The following ZNF438 variants were observed in gnomAD, a reference collection of about 807,000 sequenced individuals.
The protein encoded by ZNF438 is zinc finger protein 438.
ZNF438 carries 25 observed loss-of-function variants against 38.0 expected under a neutral mutation model. The observed-to-expected ratio is 0.66, with a 90% confidence interval of 0.48 to 0.92. The LOEUF (loss-of-function observed/expected upper bound fraction) is 0.92, where lower values mean the gene tolerates loss of function less well. Among genes scored for constraint, ZNF438 ranks in the 40% least tolerant of loss-of-function variants. The pLI, the probability that ZNF438 is intolerant of heterozygous loss-of-function variation, is 0.00. For missense variants in ZNF438, 1,007 were observed against 999.6 expected, an observed-to-expected ratio of 1.01 and a Z score of -0.10; for synonymous variants, 372 against 364.1, an observed-to-expected ratio of 1.02 and a Z score of -0.25.
intron 2 of ZNF438, among the ~76,000 whole-genome samples, chr10:30,925,917 C>T (rs2044857823): frequency 6.6e-6 from 1 of 151,970 alleles, no homozygotes; most frequent in African/African-American, 2.4e-5. Flanking sequence ...TTCCCTAATA[C>T]AAGAAAAATG....
chr10:30,973,565 A>C (rs2050983056), intron 1 of ZNF438, among the ~76,000 whole-genome samples: 1 of 152,228 alleles, frequency 6.6e-6, no homozygotes, highest in Admixed American at 6.5e-5. Flanking sequence ...TATTCAATTC[A>C]TGATACGTGT....
chr10:30,875,586 C>A (rs1197234370), intron 4 of ZNF438: 5 of 985,284 alleles, frequency 5.1e-6, no homozygotes, highest in Non-Finnish European at 6.0e-6. Context: ...CTGCACAAAT[C>A]TTCCAGAGGA....
chr10:30,883,344 C>T (rs974865435), intron 3 of ZNF438, among the ~76,000 whole-genome samples: 1 of 152,082 alleles, frequency 6.6e-6, no homozygotes, highest in African/African-American at 2.4e-5. Flanking sequence ...CCAGACCTTC[C>T]TTCCTTCCAC....
intron 1 of ZNF438, among the ~76,000 whole-genome samples, chr10:30,974,556 T>A (rs537642223): frequency 2.6e-5 from 4 of 152,160 alleles, no homozygotes. Context: ...TGTGTTACAA[T>A]AGGGACAATC....
chr10:30,914,318 G>T (rs1199370335), intron 2 of ZNF438, among the ~76,000 whole-genome samples: 2 of 152,016 alleles, frequency 1.3e-5, no homozygotes, highest in Non-Finnish European at 2.9e-5. Flanking sequence ...ACAGGGGTGG[G>T]AAGTGGGAAG....
chr10:31,000,728 T>C (rs2054565812), intron 1 of ZNF438, among the ~76,000 whole-genome samples: 1 of 152,072 alleles, frequency 6.6e-6, no homozygotes, highest in South Asian at 2.1e-4. Flanking sequence ...TATGTTACAA[T>C]TTAAAATCTG....
chr10:30,887,691 ACTC>A (rs1411743055), intron 3 of ZNF438, among the ~76,000 whole-genome samples: 1 of 151,852 alleles, frequency 6.6e-6, no homozygotes, highest in Non-Finnish European at 1.5e-5. Flanking sequence ...CCCGGCCTAA[ACTC>A]CTCTTTCAAA....
At chr10:30,971,382 C>G (rs1017236481) in intron 1 of ZNF438, among the ~76,000 whole-genome samples, 3 of 152,004 alleles carry the variant, frequency 2.0e-5, no homozygotes, top group Non-Finnish European at 4.4e-5. Flanking sequence ...TAAACATCAA[C>G]AAAAAACATA....
At chr10:30,845,650 T>A in intron 5 of ZNF438, 77 bp from the exon 7 acceptor site, 1 of 1,511,688 alleles carries the variant, frequency 6.6e-7, no homozygotes, top group Non-Finnish European at 8.9e-7. Context: ...GCTGTCAGCC[T>A]TCAGGGATCT....
At chr10:30,850,617 TTATG>T (rs1468807096) in intron 4 of ZNF438, among the ~76,000 whole-genome samples, 8 of 152,192 alleles carry the variant, frequency 5.3e-5, no homozygotes, top group Non-Finnish European at 7.3e-5. Flanking sequence ...CCATAATAAT[TTATG>T]TGTTTATGTG....
chr10:31,008,021 A>G (rs1358562075), intron 1 of ZNF438, among the ~76,000 whole-genome samples: 1 of 152,222 alleles, frequency 6.6e-6, no homozygotes, highest in African/African-American at 2.4e-5. Flanking sequence ...CTGATTCAGA[A>G]AATCCTATTA....
At chr10:30,853,135 A>G (rs1384068699) in intron 4 of ZNF438, among the ~76,000 whole-genome samples, 1 of 152,196 alleles carries the variant, frequency 6.6e-6, no homozygotes, top group African/African-American at 2.4e-5. Context: ...CATTTACACA[A>G]CAGATCTGGG....
At chr10:30,960,557 T>C (rs2049350332) in intron 1 of ZNF438, among the ~76,000 whole-genome samples, 1 of 147,098 alleles carries the variant, frequency 6.8e-6, no homozygotes. Context: ...CTTCCAAAAA[T>C]CAATGGACCA....
rs142299086 is a variant in ZNF438, at chr10:30,899,459, C to T, written c.-32+9474G>A. Among the ~76,000 whole-genome samples, 275 of 152,280 alleles carry T rather than the reference C, an allele frequency of 1.8e-3. 1 individual carries two copies. Among genetic ancestry groups the T allele is most frequent in the Non-Finnish European group, 3.0e-3 (205 of 68,010 alleles). ...GTTTGGCCACCTTATAAGTATCAGG[C>T]TTTCAGTCACAAAAACAAAGGCTTT... On this transcript the variant is annotated intron_variant, in intron 3 of 5. Coordinates refer to ENST00000413025, the Ensembl canonical transcript of ZNF438.
At chr10:30,857,628 A>T in intron 4 of ZNF438, 1 of 1,350,310 alleles carries the variant, frequency 7.4e-7, no homozygotes, top group Non-Finnish European at 1.0e-6. Context: ...ACAGAAAATT[A>T]ATAGTCATTT....
intron 1 of ZNF438, among the ~76,000 whole-genome samples, chr10:31,018,865 G>A (rs1408791421): frequency 6.6e-6 from 1 of 152,126 alleles, no homozygotes; most frequent in African/African-American, 2.4e-5. Context: ...AGGGGGAAAG[G>A]GAGAGGGGTG....
rs146836145 is a variant in ZNF438, at chr10:31,005,237, A to C, written c.-192+26596T>G. On this transcript the variant is annotated intron_variant, in intron 1 of 5. Coordinates refer to ENST00000413025, the Ensembl canonical transcript of ZNF438. ...TGAAACAACCAAAGTGTCTGTCAAC[A>C]GATGAATGAACTGTGAGTTATGTGT... 2.9e-3 allele frequency among the ~76,000 whole-genome samples: 437 copies of C among 152,318 alleles called. 2 individuals carry two copies. Among genetic ancestry groups the C allele is most frequent in the Admixed American group, 8.0e-3 (123 of 15,298 alleles).
chr10:31,000,897 T>C (rs2054588995), intron 1 of ZNF438, among the ~76,000 whole-genome samples: 1 of 152,174 alleles, frequency 6.6e-6, no homozygotes, highest in Non-Finnish European at 1.5e-5. Context: ...TCTGAAGACA[T>C]CATGTATTTC....
At chr10:30,883,353 A>G (rs914926872) in intron 3 of ZNF438, among the ~76,000 whole-genome samples, 6 of 152,096 alleles carry the variant, frequency 3.9e-5, no homozygotes, top group Non-Finnish European at 8.8e-5. Flanking sequence ...CCTTCCTTCC[A>G]CATGCAGGAA....
Sources: gnomAD v4.1 joint callset for allele counts (sites outside exome capture counted in the v4.1 genomes callset) on GRCh38, gnomAD v4.1.1 for gene constraint, MANE v1.5 for transcripts, NCBI Gene and HGNC (gene_info 2026-07-23, HGNC 2026-07-21) for gene names.